The following TMEM63C variants were observed in gnomAD, a reference collection of about 807,000 sequenced individuals.
TMEM63C encodes transmembrane protein 63C.
TMEM63C carries 32 observed loss-of-function variants against 99.2 expected under a neutral mutation model. That is an observed-to-expected ratio of 0.32 (90% CI 0.24 to 0.43). TMEM63C has a LOEUF of 0.43. Ranked by LOEUF, TMEM63C falls within the 20% of genes least tolerant of loss-of-function variation. The pLI, the probability that TMEM63C is intolerant of heterozygous loss-of-function variation, is 1.00. For missense variants in TMEM63C, 826 were observed against 1,053.0 expected, an observed-to-expected ratio of 0.78 and a Z score of 2.98; for synonymous variants, 376 against 397.9, an observed-to-expected ratio of 0.94 and a Z score of 0.66.
At chr14:77,245,630 A>C (rs147296279) in intron 16 of TMEM63C, among the ~76,000 whole-genome samples, 1 of 152,338 alleles carries the variant, frequency 6.6e-6, no homozygotes, top group East Asian at 1.9e-4. Flanking sequence ...AGCAAGTCAC[A>C]TGTTACGTGG....
intron 13 of TMEM63C, among the ~76,000 whole-genome samples, chr14:77,241,386 C>T (rs1889173315): frequency 6.6e-6 from 1 of 152,170 alleles, no homozygotes; most frequent in South Asian, 2.1e-4. Flanking sequence ...CCTCTGGCAG[C>T]CCATGCGTTG....
chr14:77,204,560 A>G (rs925320641), intron 1 of TMEM63C, among the ~76,000 whole-genome samples: 5 of 152,202 alleles, frequency 3.3e-5, no homozygotes, highest in African/African-American at 1.2e-4. Context: ...CCTATCCAGC[A>G]CAGCAGAGGA....
chr14:77,199,011 G>A (rs747162587), intron 1 of TMEM63C, among the ~76,000 whole-genome samples: 8 of 152,220 alleles, frequency 5.3e-5, no homozygotes, highest in Non-Finnish European at 1.0e-4. Flanking sequence ...TCATTCAAAT[G>A]GGGCAGATAA....
At chr14:77,233,930 C>A (rs384204) in intron 8 of TMEM63C, among the ~76,000 whole-genome samples, 9,806 of 152,254 alleles carry the variant, frequency 0.064, 409 homozygotes, top group Admixed American at 0.1. Flanking sequence ...TCGTGCCCCA[C>A]CTCTGCCATT....
intron 1 of TMEM63C, among the ~76,000 whole-genome samples, chr14:77,205,242 C>G (rs925596063): frequency 6.6e-6 from 1 of 152,212 alleles, no homozygotes; most frequent in Non-Finnish European, 1.5e-5. Flanking sequence ...ACACCCAGGC[C>G]TTGCTGGCCA....
At chr14:77,195,835 G>A (rs533601819) in intron 1 of TMEM63C, among the ~76,000 whole-genome samples, 3 of 152,318 alleles carry the variant, frequency 2.0e-5, no homozygotes, top group East Asian at 3.9e-4. Flanking sequence ...TCAGGGGTGG[G>A]CACTGGCTGG....
intron 1 of TMEM63C, among the ~76,000 whole-genome samples, chr14:77,202,835 A>G (rs1307960580): frequency 2.1e-4 from 12 of 56,942 alleles, no homozygotes; most frequent in Admixed American, 8.3e-4. Flanking sequence ...GCACACACAC[A>G]CACACACACA....
rs1566633778 is a variant in TMEM63C at position 77,256,742 on chromosome 14, T to C, written c.*16T>C. 6.2e-7 allele frequency: 1 copy of C among 1,611,320 alleles called. No individual in the cohort carries two copies. Among genetic ancestry groups the C allele is most frequent in the South Asian group, 1.1e-5 (1 of 90,966 alleles). On this transcript the variant is annotated 3_prime_UTR_variant, in exon 24 of 24. Transcript: ENST00000298351. ...GTACCACTGACCGGGACCTGAGGCC[T>C]CCACTGGCGACTTGTTGAGGGGTCA...
At chr14:77,238,618 C>A in intron 9 of TMEM63C, 76 bp from the exon 10 acceptor site, 2 of 1,220,904 alleles carry the variant, frequency 1.6e-6, no homozygotes, top group Non-Finnish European at 1.2e-6. Context: ...CTGCTCTGAG[C>A]CACCAAAAGA....
chr14:77,231,849 G>C, intron 7 of TMEM63C, 119 bp downstream of exon 7: 1 of 1,182,666 alleles, frequency 8.5e-7, no homozygotes, highest in East Asian at 2.6e-5. Flanking sequence ...CTGGGAGTTT[G>C]TTGTTGTGTG....
intron 1 of TMEM63C, among the ~76,000 whole-genome samples, chr14:77,206,453 G>A (rs1170727278): frequency 6.6e-6 from 1 of 152,246 alleles, no homozygotes; most frequent in East Asian, 1.9e-4. Context: ...GGACCTGGTG[G>A]CCACTTTGGC....
chr14:77,196,246 T>C (rs926324442), intron 1 of TMEM63C: 1 of 152,556 alleles, frequency 6.6e-6, no homozygotes, highest in Non-Finnish European at 1.5e-5. Flanking sequence ...TGCCCCGGCA[T>C]CATCCCATCA....
At chr14:77,191,081 C>G (rs1313660634) in intron 1 of TMEM63C, among the ~76,000 whole-genome samples, 2 of 152,134 alleles carry the variant, frequency 1.3e-5, no homozygotes, top group African/African-American at 4.8e-5. Context: ...TATAAACAGA[C>G]TTTAACCTTT....
At chr14:77,191,958 C>A (rs1888118417) in intron 1 of TMEM63C, among the ~76,000 whole-genome samples, 1 of 152,154 alleles carries the variant, frequency 6.6e-6, no homozygotes, top group Admixed American at 6.5e-5. Flanking sequence ...TCAGTTTTGT[C>A]AATATTTCTT....
At chr14:77,244,669 G>A (rs1409778520) in intron 16 of TMEM63C, among the ~76,000 whole-genome samples, 1 of 152,248 alleles carries the variant, frequency 6.6e-6, no homozygotes, top group African/African-American at 2.4e-5. Context: ...CTGGGTTGCT[G>A]AGATAGAGCC....
At chr14:77,236,572 GCT>G (rs1889065381) in intron 8 of TMEM63C, 50 bp from the exon 9 acceptor site, 4 of 1,321,110 alleles carry the variant, frequency 3.0e-6, no homozygotes, top group Non-Finnish European at 4.4e-6. Flanking sequence ...TGTGCAGTGG[GCT>G]CTGGGGAGCT....
chr14:77,186,776 G>GGTGTGTGTGTGT (rs750331360), intron 1 of TMEM63C, among the ~76,000 whole-genome samples: 41,209 of 138,240 alleles, frequency 0.3, 6,573 homozygotes, highest in East Asian at 0.59. Context: ...GAACCAAAGG[G>GGTGTGTGTGTGT]GTGTGTGTGT....
intron 1 of TMEM63C, among the ~76,000 whole-genome samples, chr14:77,192,207 G>A (rs1322707287): frequency 6.6e-6 from 1 of 152,110 alleles, no homozygotes; most frequent in Non-Finnish European, 1.5e-5. Flanking sequence ...CCTCTTGTGG[G>A]TAGCATAGAT....
rs201898601 is a variant in TMEM63C, at chr14:77,249,322, G to A, written c.1902G>A (p.Thr634=). The stretch of plus-strand genomic sequence containing the variant: ...TCTACCTGTGCATGAAGCACTTGAC[G>A]GATCGCTATAACATGTACTACTCCT... ...GLLYLCMKHL[T]DRYNMYYSFA... Residue 634 remains threonine (T), a synonymous_variant, in exon 21 of 24, where the codon ACG becomes ACA. Transcript: ENST00000298351. 1.4e-5 allele frequency: 22 copies of A among 1,613,826 alleles called. No homozygotes were observed. Among genetic ancestry groups the A allele is most frequent in the African/African-American group, 4.0e-5 (3 of 74,892 alleles).
Sources: allele counts gnomAD v4.1 joint callset (sites outside exome capture counted in the v4.1 genomes callset), GRCh38; gene constraint gnomAD v4.1.1; transcripts MANE v1.5; gene names NCBI Gene and HGNC (gene_info 2026-07-23, HGNC 2026-07-21).